The following NALF1 variants were observed in gnomAD, a reference collection of about 807,000 sequenced individuals.
The protein encoded by NALF1 is family with sequence similarity 155 member A.
NALF1 carries 3 observed loss-of-function variants against 48.4 expected under a neutral mutation model. The ratio of observed to expected loss-of-function variants is 0.06; its 90% CI spans 0.03 to 0.16. NALF1 has a LOEUF of 0.16. Ranked by LOEUF, NALF1 falls within the 10% of genes least tolerant of loss-of-function variation. The pLI is 1.00. For synonymous variants in NALF1, 262 were observed against 245.7 expected (o/e 1.07, Z -0.62); for missense variants, 526 against 571.5 (o/e 0.92, Z 0.81).
chr13:107,374,146 T>C (rs958925027), intron 1 of NALF1, among the ~76,000 whole-genome samples: 4 of 152,224 alleles, frequency 2.6e-5, no homozygotes, highest in African/African-American at 9.6e-5. Context: ...TCCATCAGTG[T>C]CGTTTTCTCT....
intron 1 of NALF1, among the ~76,000 whole-genome samples, chr13:107,363,863 C>T (rs1036918662): frequency 1.6e-4 from 25 of 152,122 alleles, no homozygotes; most frequent in Non-Finnish European, 2.9e-4. Context: ...GTTTTCTAAC[C>T]TTCTCAAGAA....
At chr13:107,235,429 AC>A (rs1172293733) in intron 1 of NALF1, among the ~76,000 whole-genome samples, 14 of 152,286 alleles carry the variant, frequency 9.2e-5, no homozygotes, top group Admixed American at 9.2e-4. Flanking sequence ...CAGTTTCAGG[AC>A]ACTGAAAGGA....
chr13:107,811,209 C>T (rs1878979593), intron 1 of NALF1, among the ~76,000 whole-genome samples: 1 of 152,100 alleles, frequency 6.6e-6, no homozygotes, highest in Non-Finnish European at 1.5e-5. Flanking sequence ...TGCAGGCACA[C>T]TGGATAATTA....
intron 1 of NALF1, among the ~76,000 whole-genome samples, chr13:107,730,606 A>G (rs1289042359): frequency 1.3e-5 from 2 of 152,192 alleles, no homozygotes; most frequent in Non-Finnish European, 2.9e-5. Flanking sequence ...ATTTCATTGT[A>G]TTCAGCTATG....
intron 1 of NALF1, among the ~76,000 whole-genome samples, chr13:107,235,200 G>T (rs1325768747): frequency 1.3e-5 from 2 of 152,140 alleles, no homozygotes; most frequent in African/African-American, 4.8e-5. Flanking sequence ...TAATATTTAT[G>T]ATCAGAATGC....
At chr13:107,317,536 C>A (rs1297133953) in intron 1 of NALF1, among the ~76,000 whole-genome samples, 3 of 151,968 alleles carry the variant, frequency 2.0e-5, no homozygotes, top group Non-Finnish European at 4.4e-5. Flanking sequence ...TCCCCAAATT[C>A]TGATACTAAA....
At chr13:107,264,749 A>G (rs1356247724) in intron 1 of NALF1, among the ~76,000 whole-genome samples, 2 of 152,196 alleles carry the variant, frequency 1.3e-5, no homozygotes, top group African/African-American at 2.4e-5. Flanking sequence ...CATTTCTAAC[A>G]TATGCATCGA....
Position 107,674,767 on chromosome 13 carries a change from T to C in NALF1, c.915+190915A>G, listed in dbSNP as rs539227074. On this transcript the variant is annotated intron_variant, in intron 1 of 2. Transcript: ENST00000375915. ...ACCATAAAACACCATTTCAAAAGCATAGAAGAGGAAGGGTTTCTCAATTCA... is the reference window on the plus strand; with the variant it reads ...ACCATAAAACACCATTTCAAAAGCACAGAAGAGGAAGGGTTTCTCAATTCA... Among the ~76,000 whole-genome samples the C allele has an allele frequency of 3.9e-5, 6 of 152,234 alleles. No homozygotes were observed. In the South Asian group the frequency reaches 1.2e-3, roughly 32 times the overall value.
chr13:107,459,759 G>C (rs1414246441), intron 1 of NALF1, among the ~76,000 whole-genome samples: 7 of 151,922 alleles, frequency 4.6e-5, no homozygotes, highest in African/African-American at 1.7e-4. Flanking sequence ...TTATTTTCTT[G>C]AGTCAGGGTC....
chr13:107,165,954 A>C lies in NALF1; in HGVS notation c.*4543T>G, dbSNP rs982392066. ...AGGATCATTCATCATTATGGTATAC[A>C]TGTGCTGTTATGGACTACATAATGT... On this transcript the variant is annotated 3_prime_UTR_variant, in exon 3 of 3. Transcript: ENST00000375915. 5.9e-5 allele frequency: 9 copies of C among 151,968 alleles called. No individual in the cohort carries two copies. The highest frequency in any genetic ancestry group is 2.9e-5 in the Non-Finnish European group (2 of 68,066). 9.4% of individuals were successfully genotyped at this position (151,968 alleles called of 1,614,324 possible).
chr13:107,275,379 A>G (rs1881259347), intron 1 of NALF1, among the ~76,000 whole-genome samples: 1 of 152,170 alleles, frequency 6.6e-6, no homozygotes, highest in South Asian at 2.1e-4. Context: ...TGAGACAGGC[A>G]AAGTCAAAGT....
At chr13:107,719,174 G>T (rs1875914176) in intron 1 of NALF1, among the ~76,000 whole-genome samples, 1 of 152,126 alleles carries the variant, frequency 6.6e-6, no homozygotes, top group South Asian at 2.1e-4. Flanking sequence ...TCCATGTGAT[G>T]TTCTCTCTGT....
chr13:107,803,372 T>C (rs911727654), intron 1 of NALF1, among the ~76,000 whole-genome samples: 1 of 152,158 alleles, frequency 6.6e-6, no homozygotes, highest in African/African-American at 2.4e-5. Context: ...TAGAAAATAT[T>C]AGTGAGAGCC....
chr13:107,737,698 A>G (rs1468675970), intron 1 of NALF1, among the ~76,000 whole-genome samples: 1 of 152,142 alleles, frequency 6.6e-6, no homozygotes, highest in African/African-American at 2.4e-5. Context: ...AATAGAAACA[A>G]ATTTCCTAAT....
At chr13:107,329,437 C>T (rs1198434664) in intron 1 of NALF1, among the ~76,000 whole-genome samples, 1 of 152,014 alleles carries the variant, frequency 6.6e-6, no homozygotes, top group Admixed American at 6.6e-5. Flanking sequence ...TCCAACAAGC[C>T]TCATTTTCAC....
chr13:107,485,788 T>G (rs1042226468), intron 1 of NALF1, among the ~76,000 whole-genome samples: 1 of 152,172 alleles, frequency 6.6e-6, no homozygotes, highest in African/African-American at 2.4e-5. Flanking sequence ...AAATCAAAAA[T>G]CTTTTATGTA....
At chr13:107,548,941 G>A (rs1432064603) in intron 1 of NALF1, among the ~76,000 whole-genome samples, 2 of 152,238 alleles carry the variant, frequency 1.3e-5, no homozygotes, top group African/African-American at 4.8e-5. Context: ...AAATGTAATT[G>A]TGAAAAGTGC....
intron 2 of NALF1, among the ~76,000 whole-genome samples, chr13:107,195,019 AGCATCTTAC>A (rs1448932510): frequency 8.5e-5 from 13 of 152,256 alleles, no homozygotes; most frequent in African/African-American, 3.1e-4. Context: ...ACAATGAGTT[AGCATCTTAC>A]TCCTGCAAGA....
At position 107,866,749 on chromosome 13, in the gene NALF1, C is replaced by A. The variant is rs1174630814; in HGVS notation, c.-153G>T. ...TCTCTTTCTCTCTCTTCCCCTCTCC[C>A]TCTCTCCTCTCTCTCTCTCTCCCTC... On this transcript the variant is annotated 5_prime_UTR_variant, in exon 1 of 3. In the 5' UTR this introduces an upstream ATG that the reference lacks. Coordinates refer to ENST00000375915, the MANE Select transcript of NALF1 (RefSeq NM_001080396.3). The surrounding 1 kb of genome is among the most constrained non-coding windows in gnomAD (Gnocchi z 4.4). The A allele has an allele frequency of 2.3e-5, 14 of 615,704 alleles. No individual in the cohort carries two copies. The highest frequency in any genetic ancestry group is 3.1e-5 in the Non-Finnish European group (11 of 352,428). The allele number at this position is 615,704 out of a possible 1,614,324, so 38.1% of individuals were successfully genotyped here.
Sources: gnomAD v4.1 joint callset for allele counts (sites outside exome capture counted in the v4.1 genomes callset) on GRCh38, gnomAD v4.1.1 for gene constraint, Gnocchi (gnomAD v3.1) non-coding constraint, MANE v1.5 for transcripts, NCBI Gene and HGNC (gene_info 2026-07-23, HGNC 2026-07-21) for gene names.